The following ATOSB variants were observed in gnomAD, a reference collection of about 807,000 sequenced individuals.
The protein encoded by ATOSB is atos homolog B.
chr9:35,111,614 C>T, the ATOSB span: 1 of 152,296 alleles, frequency 6.6e-6, no homozygotes, highest in Non-Finnish European at 1.5e-5. Context: ...GCCCAGTGCC[C>T]CACCACCCGC....
chr9:35,106,110 G>T, the ATOSB span: 7 of 1,505,240 alleles, frequency 4.7e-6, no homozygotes, highest in Non-Finnish European at 6.3e-6. The surrounding 1 kb of genome is among the most constrained non-coding windows in gnomAD (Gnocchi z 4.6). Context: ...ACCTGCCCCT[G>T]CCCTACAGTA....
the ATOSB span, chr9:35,106,870 T>G: frequency 1.3e-6 from 2 of 1,572,368 alleles, no homozygotes; most frequent in African/African-American, 2.7e-5. The surrounding 1 kb of genome is among the most constrained non-coding windows in gnomAD (Gnocchi z 4.6). Flanking sequence ...CTCCGCCCCA[T>G]GGGACCGCAG....
At chr9:35,112,648 G>A in the ATOSB span, among the ~76,000 whole-genome samples, 1 of 152,174 alleles carries the variant, frequency 6.6e-6, no homozygotes, top group East Asian at 1.9e-4. Context: ...AAAAGCAATA[G>A]TCCTGTCTAC....
the ATOSB span, among the ~76,000 whole-genome samples, chr9:35,111,810 C>T: frequency 5.9e-5 from 9 of 151,332 alleles, no homozygotes; most frequent in South Asian, 1.7e-3. Flanking sequence ...CGCCCTTCTC[C>T]TTAACCCGAC....
chr9:35,114,349 A>C, the ATOSB span, among the ~76,000 whole-genome samples: 1 of 150,136 alleles, frequency 6.7e-6, no homozygotes, highest in African/African-American at 2.5e-5. Flanking sequence ...ACCCCACCCT[A>C]CCCCAGGGCT....
At chr9:35,112,840 C>T in the ATOSB span, among the ~76,000 whole-genome samples, 2 of 151,992 alleles carry the variant, frequency 1.3e-5, no homozygotes, top group Admixed American at 6.6e-5. Flanking sequence ...CTGTGGACCC[C>T]CCAGGGCCCT....
chr9:35,111,270 C>T, the ATOSB span: 1 of 153,440 alleles, frequency 6.5e-6, no homozygotes, highest in Non-Finnish European at 1.5e-5. Context: ...CACACTCACC[C>T]CGCTCCCAAA....
chr9:35,105,959 C>G, the ATOSB span: 1 of 1,614,138 alleles, frequency 6.2e-7, no homozygotes, highest in South Asian at 1.1e-5. The surrounding 1 kb of genome is among the most constrained non-coding windows in gnomAD (Gnocchi z 5.5). Context: ...CGGTGCCCAC[C>G]TTGGGCACGC....
the ATOSB span, chr9:35,107,722 T>C: frequency 9.4e-6 from 15 of 1,598,464 alleles, no homozygotes; most frequent in South Asian, 1.4e-4. Context: ...GTGTCAAGTG[T>C]GTGCAGCTGG....
the ATOSB span, among the ~76,000 whole-genome samples, chr9:35,115,207 T>C: frequency 6.6e-6 from 1 of 151,830 alleles, no homozygotes; most frequent in Non-Finnish European, 1.5e-5. Context: ...GAGGAGACAT[T>C]CACACAAGCC....
the ATOSB span, among the ~76,000 whole-genome samples, chr9:35,114,418 TTG>T: frequency 2.1e-5 from 3 of 140,996 alleles, no homozygotes; most frequent in Admixed American, 2.1e-4. Context: ...TCCTGGGTGG[TTG>T]TGTGAGGAGG....
the ATOSB span, among the ~76,000 whole-genome samples, chr9:35,112,064 C>T: frequency 6.6e-6 from 1 of 152,214 alleles, no homozygotes; most frequent in Non-Finnish European, 1.5e-5. Flanking sequence ...CAAACCAAAG[C>T]TTCAGAGCTG....
the ATOSB span, among the ~76,000 whole-genome samples, chr9:35,114,410 C>T: frequency 6.7e-6 from 1 of 149,844 alleles, no homozygotes; most frequent in Admixed American, 6.6e-5. Context: ...CTCTCAGCTC[C>T]TGGGTGGTTG....
the ATOSB span, chr9:35,106,981 C>T: frequency 8.4e-7 from 1 of 1,193,946 alleles, no homozygotes; most frequent in Admixed American, 2.0e-5. The surrounding 1 kb of genome is among the most constrained non-coding windows in gnomAD (Gnocchi z 4.6). Context: ...AAAGGAACAC[C>T]CTGCCCCCCA....
chr9:35,108,292 AG>A, the ATOSB span: 59 of 1,527,588 alleles, frequency 3.9e-5, no homozygotes, highest in Admixed American at 1.4e-4. Context: ...CCCTTGGGTC[AG>A]GGGGGCCCCC....
chr9:35,108,453 G>A, the ATOSB span: 4 of 1,366,900 alleles, frequency 2.9e-6, no homozygotes, highest in African/African-American at 3.0e-5. Flanking sequence ...TGACTTTGAT[G>A]GGTTCCCAAG....
chr9:35,105,056 G>T, the ATOSB span: 2 of 722,536 alleles, frequency 2.8e-6, no homozygotes, highest in Non-Finnish European at 4.3e-6. This position sits in a 1 kb window ranked among gnomAD's most constrained non-coding sequence, Gnocchi z 5.5. Flanking sequence ...GCAGGGTGTA[G>T]TAAGAATCAG....
the ATOSB span, among the ~76,000 whole-genome samples, chr9:35,115,340 C>T: frequency 6.6e-6 from 1 of 152,036 alleles, no homozygotes; most frequent in Non-Finnish European, 1.5e-5. Context: ...CACCCTTGCT[C>T]TTAGAACCCA....
the ATOSB span, chr9:35,107,293 A>G: frequency 3.5e-6 from 5 of 1,434,290 alleles, no homozygotes; most frequent in Admixed American, 7.2e-5. Context: ...ACTGCACTCC[A>G]GCAGTGATGG....
Sources: allele counts gnomAD v4.1 joint callset (sites outside exome capture counted in the v4.1 genomes callset), GRCh38; gene constraint gnomAD v4.1.1; non-coding constraint Gnocchi (gnomAD v3.1); transcripts MANE v1.5; gene names NCBI Gene and HGNC (gene_info 2026-07-23, HGNC 2026-07-21).